Variants in SOX5 observed in about 807,000 individuals in gnomAD.
The protein encoded by SOX5 is transcription factor SOX-5.
A neutral mutation model predicts 92.0 loss-of-function variants in SOX5; 9 were observed. The ratio of observed to expected loss-of-function variants is 0.10; its 90% CI spans 0.06 to 0.17. The LOEUF is 0.17. SOX5 is among the 10% of genes least tolerant of loss of function. The pLI, the probability that SOX5 is intolerant of heterozygous loss-of-function variation, is 1.00. For synonymous variants in SOX5, 344 were observed against 336.3 expected, an observed-to-expected ratio of 1.02 and a Z score of -0.25; for missense variants, 642 against 944.5, an observed-to-expected ratio of 0.68 and a Z score of 4.20.
At chr12:24,554,385 G>C (rs1283029840) in intron 1 of SOX5, among the ~76,000 whole-genome samples, 1 of 152,130 alleles carries the variant, frequency 6.6e-6, no homozygotes, top group Non-Finnish European at 1.5e-5. Context: ...TCTCACAAAC[G>C]TAAGTTTGTC....
chr12:23,866,374 C>A (rs117750939), intron 2 of SOX5, among the ~76,000 whole-genome samples: 1 of 152,008 alleles, frequency 6.6e-6, no homozygotes. Context: ...TTGTTATGAA[C>A]AAGTAGATGT....
intron 4 of SOX5, among the ~76,000 whole-genome samples, chr12:24,092,852 A>T (rs1364787278): frequency 6.6e-6 from 1 of 152,188 alleles, no homozygotes; most frequent in Non-Finnish European, 1.5e-5. Context: ...AAATAATAGC[A>T]GTAGTCCAGA....
chr12:23,792,771 A>T (rs942598084), intron 3 of SOX5, among the ~76,000 whole-genome samples: 11 of 151,250 alleles, frequency 7.3e-5, no homozygotes, highest in African/African-American at 2.7e-4. Flanking sequence ...TGACCTCATC[A>T]TCTGTTGTGG....
chr12:24,212,076 A>G (rs971022950), intron 4 of SOX5, among the ~76,000 whole-genome samples: 6 of 152,236 alleles, frequency 3.9e-5, no homozygotes, highest in African/African-American at 1.4e-4. Flanking sequence ...GTGCAGACAC[A>G]CTTACTTTGG....
intron 1 of SOX5, among the ~76,000 whole-genome samples, chr12:23,924,938 T>A (rs1939519492): frequency 6.6e-6 from 1 of 152,072 alleles, no homozygotes; most frequent in African/African-American, 2.4e-5. Flanking sequence ...TTCACTTGTT[T>A]ATCTGCTGAC....
chr12:23,636,777 A>G (rs1015091147), intron 8 of SOX5, among the ~76,000 whole-genome samples: 1 of 152,158 alleles, frequency 6.6e-6, no homozygotes, highest in Admixed American at 6.5e-5. Context: ...TTATAATTTC[A>G]TTAGCTGGTT....
intron 4 of SOX5, among the ~76,000 whole-genome samples, chr12:23,969,271 A>G (rs1432373757): frequency 6.6e-6 from 1 of 152,158 alleles, no homozygotes; most frequent in Non-Finnish European, 1.5e-5. Context: ...TGCTGCTAAA[A>G]TATAATTTTC....
chr12:23,596,723 A>G (rs1423405329), intron 9 of SOX5, among the ~76,000 whole-genome samples: 1 of 152,242 alleles, frequency 6.6e-6, no homozygotes, highest in Non-Finnish European at 1.5e-5. Flanking sequence ...GAGTAACTAC[A>G]GAAACGTACT....
At chr12:24,277,318 A>G (rs2140373630) in intron 2 of SOX5, 1 of 151,744 alleles carries the variant, frequency 6.6e-6, no homozygotes, top group East Asian at 1.9e-4. Context: ...GAAAGCTGGA[A>G]AAATAAAAGT....
At chr12:24,223,878 T>C (rs992749703) in intron 3 of SOX5, among the ~76,000 whole-genome samples, 12 of 152,254 alleles carry the variant, frequency 7.9e-5, no homozygotes, top group Admixed American at 6.5e-5. Context: ...CTCGACCTAT[T>C]GTTAGAGATG....
chr12:24,493,336 T>C (rs953971705), intron 1 of SOX5, among the ~76,000 whole-genome samples: 1 of 152,282 alleles, frequency 6.6e-6, no homozygotes, highest in Middle Eastern at 3.4e-3. Context: ...ATATTAAATG[T>C]AATGTGGTAT....
At chr12:23,536,845 C>A (rs1940586336) in intron 13 of SOX5, among the ~76,000 whole-genome samples, 176 bp from the exon 14 acceptor site, 1 of 151,886 alleles carries the variant, frequency 6.6e-6, no homozygotes. Flanking sequence ...GGTTTTGTAC[C>A]TAAAGATATA....
chr12:24,530,839 A>G (rs1439780476), intron 1 of SOX5, among the ~76,000 whole-genome samples: 1 of 151,986 alleles, frequency 6.6e-6, no homozygotes, highest in Non-Finnish European at 1.5e-5. Context: ...CCCTTCTAAT[A>G]TTACTCATTG....
rs574083962 is a variant in SOX5 at position 24,182,181 on chromosome 12, T to A, written c.-2+31162A>T. 1.2e-4 allele frequency among the ~76,000 whole-genome samples: 19 copies of A among 152,272 alleles called. No homozygotes were observed. The South Asian group carries it at 3.1e-3, about 25-fold the overall frequency. ...GAGAAGGTGATAGTGAATAAATACT[T>A]TCCAAAAGGACAAAAAGACATTATT... On this transcript the variant is annotated intron_variant, in intron 4 of 4. Coordinates refer to the SOX5 transcript ENST00000446891.
intron 1 of SOX5, among the ~76,000 whole-genome samples, chr12:24,484,836 C>T (rs1234484339): frequency 2.0e-5 from 3 of 151,812 alleles, no homozygotes; most frequent in East Asian, 1.9e-4. Flanking sequence ...AAAGTTGAAT[C>T]CAAAAAGTTT....
At chr12:23,807,553 G>A (rs1218673813) in intron 3 of SOX5, among the ~76,000 whole-genome samples, 1 of 152,092 alleles carries the variant, frequency 6.6e-6, no homozygotes, top group Non-Finnish European at 1.5e-5. Context: ...TAGGAAGGAT[G>A]CTACCAAAGG....
intron 4 of SOX5, among the ~76,000 whole-genome samples, chr12:24,107,394 T>C (rs1266861804): frequency 6.6e-6 from 1 of 152,194 alleles, no homozygotes; most frequent in African/African-American, 2.4e-5. Flanking sequence ...CATTTATAAA[T>C]ACACTAAATG....
intron 1 of SOX5, among the ~76,000 whole-genome samples, chr12:24,485,612 A>G (rs1193773591): frequency 2.0e-5 from 3 of 150,472 alleles, no homozygotes; most frequent in Non-Finnish European, 4.4e-5. Context: ...GATGACTAGG[A>G]AAAAAAAATG....
chr12:23,696,827 C>T (rs986923333), intron 6 of SOX5, among the ~76,000 whole-genome samples: 7 of 152,026 alleles, frequency 4.6e-5, no homozygotes, highest in African/African-American at 1.7e-4. Flanking sequence ...TTCTCATTTT[C>T]CTTATGGCTT....
Sources: gnomAD v4.1 joint callset for allele counts (sites outside exome capture counted in the v4.1 genomes callset) on GRCh38, gnomAD v4.1.1 for gene constraint, MANE v1.5 for transcripts, NCBI Gene and HGNC (gene_info 2026-07-23, HGNC 2026-07-21) for gene names.